PLA2G4D: variants seen among roughly 807,000 people sequenced by gnomAD.
PLA2G4D encodes the protein phospholipase A2 group IVD.
In PLA2G4D, 80 loss-of-function variants were observed where a neutral mutation model predicts 94.4. The observed-to-expected ratio is 0.85, with a 90% CI of 0.71 to 1.02. PLA2G4D has a LOEUF of 1.02. PLA2G4D is among the 50% of genes least tolerant of loss of function. The pLI is 0.00. For missense variants in PLA2G4D, 1,050 were observed against 1,034.7 expected, an observed-to-expected ratio of 1.01 and a Z score of -0.20; for synonymous variants, 438 against 440.9, an observed-to-expected ratio of 0.99 and a Z score of 0.08.
At chr15:42,069,687 G>A (rs543240959) in intron 19 of PLA2G4D, among the ~76,000 whole-genome samples, 3 of 152,272 alleles carry the variant, frequency 2.0e-5, no homozygotes, top group African/African-American at 4.8e-5. Flanking sequence ...CATGACAAAG[G>A]GGACCCCTGC....
chr15:42,081,743 T>C (rs1595595299), intron 10 of PLA2G4D, 54 bp downstream of exon 10: 3 of 1,613,314 alleles, frequency 1.9e-6, no homozygotes, highest in Non-Finnish European at 2.5e-6. Flanking sequence ...TCCATAGCCC[T>C]CCCCTCCTGC....
At chr15:42,082,231 C>T in intron 9 of PLA2G4D, 48 bp downstream of exon 9, 1 of 1,504,796 alleles carries the variant, frequency 6.6e-7, no homozygotes, top group Non-Finnish European at 9.2e-7. Context: ...AGAGCCCAGC[C>T]TTATCTTCAT....
intron 18 of PLA2G4D, 108 bp downstream of exon 18, chr15:42,070,609 T>TC: frequency 7.6e-7 from 1 of 1,323,290 alleles, no homozygotes; most frequent in South Asian, 1.5e-5. Flanking sequence ...CACCTCTCCT[T>TC]CCCTTCGGGA....
In PLA2G4D at chr15:42,080,995, A is replaced by C; in HGVS notation, c.1094+2T>G. 6.2e-7 allele frequency: 1 copy of C among 1,613,304 alleles called. No individual in the cohort carries two copies. The highest frequency in any genetic ancestry group is 8.5e-7 in the Non-Finnish European group (1 of 1,179,594). On this transcript the variant is annotated splice_donor_variant, in intron 12 of 19. Transcript: ENST00000290472. LOFTEE classifies it high-confidence loss of function. Reference sequence around the variant, plus strand: ...TGCCACCCAGTCCCCCAGGATCCTCACCACGTAGAGCCAGAGATGCCACTG... The same window carrying C: ...TGCCACCCAGTCCCCCAGGATCCTCCCCACGTAGAGCCAGAGATGCCACTG...
rs17747505 is a variant in PLA2G4D at position 42,071,282 on chromosome 15, G to A, written c.1717C>T (p.Arg573Trp). The A allele has an allele frequency of 0.1, 162,358 of 1,598,382 alleles. 9,285 individuals are homozygous for A. Among genetic ancestry groups the A allele is most frequent in the Non-Finnish European group, 0.12 (137,463 of 1,175,268 alleles). ...GGCTGCAGCCACGAGGCCTCCAGCCGCGAGGAGGTCCCCGAGGTGGTCAGG... is the reference window on the plus strand; with the variant it reads ...GGCTGCAGCCACGAGGCCTCCAGCCACGAGGAGGTCCCCGAGGTGGTCAGG... ...EPLTTSGTSSRLEASWLQPGT... is the reference protein window; with the variant it reads ...EPLTTSGTSSWLEASWLQPGT... Residue 573 changes from arginine to tryptophan, a missense_variant, in exon 17 of 20, where the codon CGG becomes TGG. By Grantham distance (101) the Arg-to-Trp change is moderately radical. Transcript: ENST00000290472.
Position 42,068,728 on chromosome 15 carries a change from C to T in PLA2G4D, c.2444G>A (p.Arg815Lys). 6.2e-7 allele frequency: 1 copy of T among 1,606,608 alleles called. No homozygotes were observed. The highest frequency in any genetic ancestry group is 8.5e-7 in the Non-Finnish European group (1 of 1,176,416). ...CTCTGAGCAACCTCAGGTCTGTGCC[C>T]TTGGAGGCCTCGCCTCTAGAGTCCG... is the stretch of plus-strand genomic sequence containing the variant. ...KHRTLEARPP[R>K]AQT is the part of the protein sequence containing the mutation. Residue 815 changes from arginine to lysine, a missense_variant, in exon 20 of 20, where the codon AGG (arginine) becomes AAG (lysine). Coordinates refer to ENST00000290472, the MANE Select transcript of PLA2G4D (RefSeq NM_178034.4).
chr15:42,094,109 T>C lies in PLA2G4D; in HGVS notation c.45+306A>G, dbSNP rs575184648. Among the ~76,000 whole-genome samples the C allele has an allele frequency of 5.3e-5, 8 of 151,918 alleles. 1 individual carries two copies. The highest frequency in any genetic ancestry group is 1.9e-4 in the African/African-American group (8 of 41,424). On this transcript the variant is annotated intron_variant, in intron 1 of 19. Coordinates refer to ENST00000290472, the MANE Select transcript of PLA2G4D (RefSeq NM_178034.4). ...GTGGTGGGGCTGTGGGCCTGGTGGG[T>C]CTCCTTTTGTGACACACCCAGCCAC... is the stretch of plus-strand genomic sequence containing the variant.
chr15:42,072,248 G>T (rs1482038104), intron 14 of PLA2G4D, 27 bp downstream of exon 14: 1 of 1,576,278 alleles, frequency 6.3e-7, no homozygotes, highest in South Asian at 1.1e-5. Flanking sequence ...GGTGGAGTAT[G>T]TGGGAGGGGA....
chr15:42,076,426 A>G (rs1889928481), intron 13 of PLA2G4D, among the ~76,000 whole-genome samples: 1 of 152,192 alleles, frequency 6.6e-6, no homozygotes, highest in South Asian at 2.1e-4. Context: ...ACAAACCATA[A>G]AGGAGAATGA....
chr15:42,090,833 T>C (rs1478798083), intron 1 of PLA2G4D, among the ~76,000 whole-genome samples: 1 of 152,140 alleles, frequency 6.6e-6, no homozygotes, highest in Non-Finnish European at 1.5e-5. Context: ...TAGACATCCA[T>C]TAGGACTGCA....
chr15:42,092,788 G>A (rs535885060), intron 1 of PLA2G4D, among the ~76,000 whole-genome samples: 34 of 152,344 alleles, frequency 2.2e-4, no homozygotes, highest in Non-Finnish European at 3.2e-4. Flanking sequence ...GCTCTGTGCT[G>A]CCCCGTGCCC....
At chr15:42,071,958 C>G in intron 14 of PLA2G4D, 47 bp from the exon 15 acceptor site, 1 of 1,596,740 alleles carries the variant, frequency 6.3e-7, no homozygotes. Flanking sequence ...GAGTGGATTG[C>G]GGGAGTCCCC....
rs763305792 is a variant in PLA2G4D at position 42,083,281 on chromosome 15, G to T, written c.589C>A (p.Gln197Lys). The T allele has an allele frequency of 1.8e-5, 29 of 1,614,044 alleles. No individual in the cohort carries two copies. In the South Asian group the frequency reaches 3.2e-4, roughly 18 times the overall value. Residue 197 changes from glutamine to lysine, a missense_variant, in exon 8 of 20, where the codon CAG becomes AAG. By Grantham distance (53) the Gln-to-Lys change is moderately conservative. Coordinates refer to ENST00000290472, the MANE Select transcript of PLA2G4D (RefSeq NM_178034.4). Reference sequence around the variant, plus strand: ...GAGGCTGTGCCCAGGAAGGATGTCTGTGTGTCCTCATAGGACCCCTTCAGC... The same window carrying T: ...GAGGCTGTGCCCAGGAAGGATGTCTTTGTGTCCTCATAGGACCCCTTCAGC... ...LVLKGSYEDTQTSFLGTASAF... is the reference protein window; with the variant it reads ...LVLKGSYEDTKTSFLGTASAF...
intron 8 of PLA2G4D, among the ~76,000 whole-genome samples, chr15:42,082,955 T>C (rs980651614): frequency 6.6e-6 from 1 of 152,166 alleles, no homozygotes; most frequent in Admixed American, 6.5e-5. Flanking sequence ...TCATGTCTTA[T>C]TCTAAGGGTA....
chr15:42,080,954 G>A, intron 12 of PLA2G4D, 43 bp downstream of exon 12: 1 of 1,601,572 alleles, frequency 6.2e-7, no homozygotes, highest in Non-Finnish European at 8.5e-7. Context: ...GCCCCGCTAT[G>A]GCCCCTGATT....
intron 5 of PLA2G4D, 58 bp from the exon 6 acceptor site, chr15:42,085,196 C>T (rs1012598889): frequency 8.8e-6 from 14 of 1,599,380 alleles, no homozygotes; most frequent in Middle Eastern, 1.6e-4. Flanking sequence ...CCCGCTCCCG[C>T]CCATGTGGGG....
chr15:42,080,373 G>T (rs1566862916), intron 12 of PLA2G4D, among the ~76,000 whole-genome samples: 1 of 152,194 alleles, frequency 6.6e-6, no homozygotes, highest in Non-Finnish European at 1.5e-5. Context: ...TCAAAGGAAT[G>T]AATCTCTAAC....
At chr15:42,081,927 CT>C (rs398027016) in intron 9 of PLA2G4D, 93 bp from the exon 10 acceptor site, 102,017 of 691,078 alleles carry the variant, frequency 0.15, 19 homozygotes, top group South Asian at 0.19. Flanking sequence ...CATCTTCATT[CT>C]TTTTTTTTTT....
At position 42,081,112 on chromosome 15, in the gene PLA2G4D, C is replaced by A. The variant is rs760857380; in HGVS notation, c.979G>T (p.Ala327Ser). The change falls in exon 12 of 20, where the codon GCC (alanine) becomes TCC (serine). Residue 327 changes from alanine (A) to serine (S), a missense_variant. Coordinates refer to ENST00000290472, the MANE Select transcript of PLA2G4D (RefSeq NM_178034.4). Reference protein sequence around the residue: ...EDEVPVVGIMATGGGARAMTS... With the variant: ...EDEVPVVGIMSTGGGARAMTS... ...ATGGCCCGGGCACCTCCTCCTGTGG[C>A]CATGATGCCCACAACGGGTACCTGG... 1 of 1,614,028 alleles carries A rather than the reference C, an allele frequency of 6.2e-7. No individual in the cohort carries two copies. Among genetic ancestry groups the A allele is most frequent in the Non-Finnish European group, 8.5e-7 (1 of 1,179,946 alleles).
Sources: allele counts gnomAD v4.1 joint callset (sites outside exome capture counted in the v4.1 genomes callset), GRCh38; gene constraint gnomAD v4.1.1; transcripts MANE v1.5; gene names NCBI Gene and HGNC (gene_info 2026-07-23, HGNC 2026-07-21).